The following ANKS1B variants were observed in gnomAD, a reference collection of about 807,000 sequenced individuals.
ANKS1B encodes the protein ankyrin repeat and sterile alpha motif domain-containing protein 1B.
In ANKS1B, 36 loss-of-function variants were observed where a neutral mutation model predicts 148.3. The observed-to-expected ratio is 0.24, with a 90% CI of 0.19 to 0.32. The LOEUF (loss-of-function observed/expected upper bound fraction) is 0.32. Among genes scored for constraint, ANKS1B ranks in the 10% least tolerant of loss-of-function variants. The pLI is 1.00. For missense variants in ANKS1B, 1,157 were observed against 1,542.6 expected (o/e 0.75, Z 4.19); for synonymous variants, 542 against 560.8 (o/e 0.97, Z 0.47).
Position 99,624,729 on chromosome 12 carries a change from T to C in ANKS1B, c.1272+30338A>G, listed in dbSNP as rs142861320. Among the ~76,000 whole-genome samples the C allele has an allele frequency of 1.3e-4, 20 of 152,104 alleles. No individual in the cohort carries two copies. The East Asian group carries it at 3.9e-3, about 29-fold the overall frequency. Reference sequence around the variant, plus strand: ...AACTCATACCAGTCAGAATGGCTATTGTTAGAAAGTCAAAAAATAGCAGAA... The same window carrying C: ...AACTCATACCAGTCAGAATGGCTATCGTTAGAAAGTCAAAAAATAGCAGAA... On this transcript the variant is annotated intron_variant, in intron 9 of 26. Transcript: ENST00000683438.
At chr12:99,130,608 A>G (rs1159959787) in intron 15 of ANKS1B, among the ~76,000 whole-genome samples, 1 of 152,106 alleles carries the variant, frequency 6.6e-6, no homozygotes, top group African/African-American at 2.4e-5. Context: ...CTCATCCTCT[A>G]TAGTGCCATC....
intron 17 of ANKS1B, among the ~76,000 whole-genome samples, chr12:98,964,397 T>C (rs534829302): frequency 7.1e-4 from 108 of 152,312 alleles, no homozygotes; most frequent in African/African-American, 2.5e-3. Flanking sequence ...GGAGGTTCCT[T>C]AAAAAATTAA....
At chr12:99,594,479 A>C (rs2097736765) in intron 9 of ANKS1B, among the ~76,000 whole-genome samples, 1 of 152,018 alleles carries the variant, frequency 6.6e-6, no homozygotes, top group African/African-American at 2.4e-5. Context: ...ACAGATGAAT[A>C]TTTTCATCAG....
intron 1 of ANKS1B, among the ~76,000 whole-genome samples, chr12:99,831,812 T>C (rs2084055216): frequency 6.6e-6 from 1 of 152,160 alleles, no homozygotes; most frequent in Non-Finnish European, 1.5e-5. Context: ...TTCTTCTTAG[T>C]TTTATACAAT....
chr12:98,759,739 A>G (rs1194947525), intron 25 of ANKS1B, among the ~76,000 whole-genome samples: 1 of 152,182 alleles, frequency 6.6e-6, no homozygotes, highest in Admixed American at 6.5e-5. Flanking sequence ...ATTTAACATG[A>G]AAACTGGAGG....
chr12:99,051,649 A>G (rs1244797315), intron 17 of ANKS1B, among the ~76,000 whole-genome samples: 1 of 152,238 alleles, frequency 6.6e-6, no homozygotes, highest in Non-Finnish European at 1.5e-5. Flanking sequence ...GAAATTAACC[A>G]AAGGCTTTAT....
At chr12:99,160,255 T>C (rs555905182) in intron 14 of ANKS1B, among the ~76,000 whole-genome samples, 2 of 152,250 alleles carry the variant, frequency 1.3e-5, no homozygotes, top group South Asian at 4.1e-4. Context: ...AATTTTTGTT[T>C]TTGTTGCAAT....
At chr12:99,943,146 T>C (rs566176037) in intron 1 of ANKS1B, among the ~76,000 whole-genome samples, 21 of 152,284 alleles carry the variant, frequency 1.4e-4, no homozygotes, top group African/African-American at 4.8e-4. Flanking sequence ...GAATTATGGC[T>C]GTAAAAAATG....
intron 16 of ANKS1B, among the ~76,000 whole-genome samples, chr12:99,078,648 C>T (rs10745839): frequency 0.58 from 87,494 of 151,866 alleles, 25,821 homozygotes; most frequent in East Asian, 0.75. Flanking sequence ...TAGTTTTTGA[C>T]GGATTATTCC....
chr12:98,966,806 G>GC (rs201062913), intron 17 of ANKS1B, among the ~76,000 whole-genome samples: 5,113 of 146,826 alleles, frequency 0.035, 224 homozygotes, highest in African/African-American at 0.1. Flanking sequence ...ACCAAACACC[G>GC]CATGTTCTCA....
intron 8 of ANKS1B, among the ~76,000 whole-genome samples, chr12:99,739,681 G>A (rs193071534): frequency 6.8e-4 from 103 of 151,954 alleles, no homozygotes; most frequent in Admixed American, 3.7e-3. Context: ...TGTCATCTCC[G>A]CCTCACTCAT....
At chr12:99,159,567 T>C (rs181355505) in intron 14 of ANKS1B, among the ~76,000 whole-genome samples, 3 of 152,322 alleles carry the variant, frequency 2.0e-5, no homozygotes, top group Admixed American at 6.5e-5. Context: ...TTTTTTTCTT[T>C]TTTTATGGAT....
chr12:99,581,643 C>A (rs2097570246), intron 9 of ANKS1B, among the ~76,000 whole-genome samples: 1 of 152,078 alleles, frequency 6.6e-6, no homozygotes, highest in Non-Finnish European at 1.5e-5. Context: ...GTAATCCCAG[C>A]ACTTTGGGAG....
At chr12:99,924,795 A>T (rs952167097) in intron 1 of ANKS1B, among the ~76,000 whole-genome samples, 1 of 152,172 alleles carries the variant, frequency 6.6e-6, no homozygotes, top group Non-Finnish European at 1.5e-5. Context: ...ATTGTTTATA[A>T]GCCACTCAGT....
intron 1 of ANKS1B, among the ~76,000 whole-genome samples, chr12:99,980,845 C>T (rs2095691229): frequency 6.6e-6 from 1 of 151,938 alleles, no homozygotes; most frequent in African/African-American, 2.4e-5. Context: ...CTGAAAGTCA[C>T]AGGGAAGTGG....
intron 17 of ANKS1B, among the ~76,000 whole-genome samples, chr12:98,886,875 C>G (rs747263708): frequency 6.6e-6 from 1 of 152,106 alleles, no homozygotes; most frequent in Non-Finnish European, 1.5e-5. Context: ...AATAGGAAGA[C>G]GTTCTCCAAA....
At chr12:98,788,263 A>C (rs1201245854) in intron 22 of ANKS1B, among the ~76,000 whole-genome samples, 2 of 49,028 alleles carry the variant, frequency 4.1e-5, no homozygotes, top group African/African-American at 1.7e-4. Context: ...GAAAACAGAC[A>C]AAAAAAAAAA....
chr12:99,015,345 C>T (rs946879525), intron 17 of ANKS1B, among the ~76,000 whole-genome samples: 5 of 151,972 alleles, frequency 3.3e-5, no homozygotes, highest in African/African-American at 1.2e-4. Context: ...GGACACAACA[C>T]ACACTGGGGC....
intron 17 of ANKS1B, among the ~76,000 whole-genome samples, chr12:99,020,027 G>A (rs2099944822): frequency 6.6e-6 from 1 of 151,524 alleles, no homozygotes; most frequent in African/African-American, 2.4e-5. Context: ...TGTTTGTTGT[G>A]GTTTTAAAGA....
Sources: allele counts gnomAD v4.1 joint callset (sites outside exome capture counted in the v4.1 genomes callset), GRCh38; gene constraint gnomAD v4.1.1; transcripts MANE v1.5; gene names NCBI Gene and HGNC (gene_info 2026-07-23, HGNC 2026-07-21).